CFAP299: variants seen among roughly 807,000 people sequenced by gnomAD.
CFAP299 encodes cilia and flagella associated protein 299, also known as cilia- and flagella-associated protein 299.
In CFAP299, 21 loss-of-function variants were observed where a neutral mutation model predicts 27.0. That is an observed-to-expected ratio of 0.78 (90% CI 0.55 to 1.12). The LOEUF (loss-of-function observed/expected upper bound fraction) is 1.12, where lower values mean the gene tolerates loss of function less well. Among genes scored for constraint, CFAP299 ranks in the 50% most tolerant of loss-of-function variants. CFAP299 has a pLI of 0.00. For synonymous variants in CFAP299, 104 were observed against 98.1 expected, an observed-to-expected ratio of 1.06 and a Z score of -0.36; for missense variants, 310 against 276.6, an observed-to-expected ratio of 1.12 and a Z score of -0.86.
At chr4:80,606,155 C>T (rs1185997306) in intron 3 of CFAP299, among the ~76,000 whole-genome samples, 1 of 152,110 alleles carries the variant, frequency 6.6e-6, no homozygotes, top group East Asian at 1.9e-4. Flanking sequence ...AAGTGAAAAC[C>T]TCATTCTCCA....
intron 3 of CFAP299, among the ~76,000 whole-genome samples, chr4:80,659,837 G>A (rs956074318): frequency 2.6e-5 from 4 of 151,982 alleles, no homozygotes; most frequent in African/African-American, 9.7e-5. Context: ...AAGTGATAAG[G>A]AAAAGTTTTT....
intron 4 of CFAP299, among the ~76,000 whole-genome samples, chr4:80,898,596 G>A (rs1201951834): frequency 1.3e-5 from 2 of 151,662 alleles, no homozygotes; most frequent in East Asian, 3.9e-4. Context: ...GTCCCTAGCT[G>A]GGGACCCACC....
At chr4:80,940,697 T>A (rs778224165) in intron 4 of CFAP299, among the ~76,000 whole-genome samples, 3 of 152,208 alleles carry the variant, frequency 2.0e-5, no homozygotes, top group Non-Finnish European at 4.4e-5. Flanking sequence ...CACAAAAAGT[T>A]ACCTTCGTGA....
At chr4:80,862,424 C>G (rs1178357170) in intron 3 of CFAP299, among the ~76,000 whole-genome samples, 1 of 151,912 alleles carries the variant, frequency 6.6e-6, no homozygotes, top group East Asian at 1.9e-4. Flanking sequence ...AATATAGATA[C>G]GTCTTATAAA....
At chr4:80,959,723 A>G (rs1377945178) in intron 5 of CFAP299, among the ~76,000 whole-genome samples, 4 of 151,972 alleles carry the variant, frequency 2.6e-5, no homozygotes, top group Admixed American at 2.0e-4. Context: ...TTGAAGGGCC[A>G]TCTGGGAAAT....
chr4:80,718,853 C>A (rs962300344), intron 3 of CFAP299, among the ~76,000 whole-genome samples: 10 of 151,944 alleles, frequency 6.6e-5, no homozygotes, highest in African/African-American at 2.4e-4. Context: ...TATATTTAAA[C>A]AGTAATTAGA....
At chr4:80,870,821 A>G (rs1481960711) in intron 4 of CFAP299, 47 of 984,978 alleles carry the variant, frequency 4.8e-5, no homozygotes, top group Non-Finnish European at 5.4e-5. Context: ...GATGATTATA[A>G]CAATACCTAC....
At chr4:80,438,205 A>G (rs1015538121) in intron 2 of CFAP299, among the ~76,000 whole-genome samples, 4 of 152,204 alleles carry the variant, frequency 2.6e-5, no homozygotes, top group African/African-American at 9.7e-5. Context: ...ATTTGAGACC[A>G]CAGACCTCAC....
chr4:80,626,740 C>T (rs1466595786), intron 3 of CFAP299, among the ~76,000 whole-genome samples: 1 of 151,530 alleles, frequency 6.6e-6, no homozygotes, highest in Non-Finnish European at 1.5e-5. Context: ...CATTTATATA[C>T]CAACCATTTC....
At chr4:80,505,269 TA>T (rs766925776) in intron 2 of CFAP299, among the ~76,000 whole-genome samples, 2 of 152,116 alleles carry the variant, frequency 1.3e-5, no homozygotes, top group Non-Finnish European at 2.9e-5. Flanking sequence ...AACTGTACAC[TA>T]AATTGTTTGT....
chr4:80,579,803 T>C (rs1736075229), intron 2 of CFAP299, among the ~76,000 whole-genome samples: 1 of 152,080 alleles, frequency 6.6e-6, no homozygotes, highest in African/African-American at 2.4e-5. Flanking sequence ...AATATATAGA[T>C]ACATTGTAGA....
intron 3 of CFAP299, among the ~76,000 whole-genome samples, chr4:80,775,238 A>G (rs1726464765): frequency 6.6e-6 from 1 of 151,938 alleles, no homozygotes; most frequent in African/African-American, 2.4e-5. Flanking sequence ...TGTCTAACAT[A>G]GGGATATATT....
At chr4:80,418,603 A>C (rs927840456) in intron 2 of CFAP299, among the ~76,000 whole-genome samples, 10 of 152,128 alleles carry the variant, frequency 6.6e-5, no homozygotes, top group Non-Finnish European at 1.0e-4. Context: ...TATTCCTCCT[A>C]TCTGAGGCTT....
chr4:80,420,338 A>T (rs377054784), intron 2 of CFAP299: 31 of 407,224 alleles, frequency 7.6e-5, no homozygotes, highest in South Asian at 4.9e-4. Context: ...GTTTGCAGGG[A>T]TGCTTCTGTT....
At chr4:80,772,036 T>C (rs1487722291) in intron 3 of CFAP299, among the ~76,000 whole-genome samples, 1 of 152,200 alleles carries the variant, frequency 6.6e-6, no homozygotes, top group Non-Finnish European at 1.5e-5. Flanking sequence ...CCAAGCTTTG[T>C]TGGCCAGTAC....
intron 3 of CFAP299, among the ~76,000 whole-genome samples, chr4:80,642,340 G>A (rs764125832): frequency 6.6e-5 from 10 of 152,192 alleles, no homozygotes; most frequent in Non-Finnish European, 8.8e-5. Context: ...TATTAATTAT[G>A]CTAGGAAAGT....
intron 3 of CFAP299, among the ~76,000 whole-genome samples, chr4:80,758,077 T>C (rs780598127): frequency 8.5e-5 from 13 of 152,216 alleles, no homozygotes; most frequent in Non-Finnish European, 1.9e-4. Context: ...TTGCCGTCTA[T>C]GGATGGCTTA....
intron 2 of CFAP299, among the ~76,000 whole-genome samples, chr4:80,406,263 T>G (rs1874334): frequency 0.95 from 144,509 of 152,282 alleles, 69,038 homozygotes; most frequent in East Asian, 1. Flanking sequence ...GTTCAACAGA[T>G]CCTTAAATCT....
In CFAP299 at chr4:80,799,801, T is replaced by TA. The variant is rs1487082627; in HGVS notation, c.334-70190dup. 8.5e-4 allele frequency among the ~76,000 whole-genome samples: 30 copies of TA among 35,182 alleles called. 2 individuals carry two copies. The highest frequency in any genetic ancestry group is 4.7e-3 in the African/African-American group (30 of 6,324). 23.1% of individuals were successfully genotyped at this position (35,182 alleles called of 152,430 possible). On this transcript the variant is annotated intron_variant, in intron 3 of 5. Coordinates refer to ENST00000358105, the MANE Select transcript of CFAP299 (RefSeq NM_152770.3). ...TATATATATTATATATTATATTATA[T>TA]AATATATAAATATATATATTATATA...
Sources: allele counts gnomAD v4.1 joint callset (sites outside exome capture counted in the v4.1 genomes callset), GRCh38; gene constraint gnomAD v4.1.1; transcripts MANE v1.5; gene names NCBI Gene and HGNC (gene_info 2026-07-23, HGNC 2026-07-21).